TRAPPC9: variants seen among roughly 807,000 people sequenced by gnomAD.
TRAPPC9 encodes the protein IKK2 binding protein.
In TRAPPC9, 83 loss-of-function variants were observed where a neutral mutation model predicts 124.0. That is an observed-to-expected ratio of 0.67 (90% CI 0.56 to 0.80). The LOEUF (loss-of-function observed/expected upper bound fraction) is 0.80. Ranked by LOEUF, TRAPPC9 falls within the 30% of genes least tolerant of loss-of-function variation. TRAPPC9 has a pLI of 0.00. For missense variants in TRAPPC9, 1,302 were observed against 1,508.3 expected (o/e 0.86, Z 2.27); for synonymous variants, 638 against 617.5 (o/e 1.03, Z -0.49).
intron 8 of TRAPPC9, among the ~76,000 whole-genome samples, chr8:140,365,799 G>C (rs2068091151): frequency 6.6e-6 from 1 of 152,186 alleles, no homozygotes; most frequent in African/African-American, 2.4e-5. Context: ...TTAAGTTCAG[G>C]GCTACAAGTG....
chr8:140,011,855 T>C (rs578018995), intron 18 of TRAPPC9, among the ~76,000 whole-genome samples: 57 of 152,062 alleles, frequency 3.7e-4, no homozygotes, highest in African/African-American at 1.4e-3. Flanking sequence ...TTTTTGTATT[T>C]TTTGTAGAGA....
At chr8:139,750,864 C>T (rs1819266658) in intron 21 of TRAPPC9, among the ~76,000 whole-genome samples, 1 of 152,216 alleles carries the variant, frequency 6.6e-6, no homozygotes, top group Non-Finnish European at 1.5e-5. Context: ...GGAGCAGCAG[C>T]AGGTGACATC....
chr8:140,386,962 A>G (rs1357198355), intron 7 of TRAPPC9, among the ~76,000 whole-genome samples: 20 of 149,682 alleles, frequency 1.3e-4, no homozygotes, highest in South Asian at 4.2e-4. Flanking sequence ...CTGGTACCAA[A>G]ACAGAGATAT....
At chr8:139,925,281 T>C (rs775727733) in intron 19 of TRAPPC9, among the ~76,000 whole-genome samples, 2 of 152,176 alleles carry the variant, frequency 1.3e-5, no homozygotes, top group African/African-American at 2.4e-5. Flanking sequence ...AACAGAAATA[T>C]CGCCTTTCTG....
In TRAPPC9 at chr8:139,730,676, A is replaced by C; in HGVS notation, c.*385T>G. 8.1e-6 allele frequency: 2 copies of C among 246,002 alleles called. No individual in the cohort carries two copies. Among genetic ancestry groups the C allele is most frequent in the Non-Finnish European group, 1.6e-5 (2 of 125,604 alleles). 15.2% of individuals were successfully genotyped at this position (246,002 alleles called of 1,614,324 possible). On this transcript the variant is annotated 3_prime_UTR_variant, in exon 23 of 23. Transcript: ENST00000438773. Reference sequence around the variant, plus strand: ...TGCTCACCATTTCTTTCTATGGCCAAAGGGAAGTCGCTGGACGAGGGAGGT... The same window carrying C: ...TGCTCACCATTTCTTTCTATGGCCACAGGGAAGTCGCTGGACGAGGGAGGT...
chr8:140,171,653 G>A (rs1005205723), intron 17 of TRAPPC9, among the ~76,000 whole-genome samples: 12 of 152,150 alleles, frequency 7.9e-5, no homozygotes, highest in African/African-American at 1.9e-4. Context: ...TTCCACTCTC[G>A]AGCCCCCAGC....
chr8:140,162,245 C>A (rs938275112), intron 17 of TRAPPC9, among the ~76,000 whole-genome samples: 1 of 152,164 alleles, frequency 6.6e-6, no homozygotes, highest in Non-Finnish European at 1.5e-5. Context: ...CTTCCCTCCC[C>A]TCCTGCCACT....
chr8:140,450,980 CG>C lies in TRAPPC9; in HGVS notation c.393del (p.Asp131GlufsTer58). The C allele has an allele frequency of 6.2e-7, 1 of 1,614,144 alleles. No individual in the cohort carries two copies. Among genetic ancestry groups the C allele is most frequent in the Non-Finnish European group, 8.5e-7 (1 of 1,180,032 alleles). ...TCCTCGTAGTTGGGGTAGAAAGCCA[CG>C]TCGGTGCGCGGCTGCTCCACGATCT... Reference protein sequence around the residue: ...QGEIVEQPRTDVAFYPNYEDC... With the variant: ...QGEIVEQPRTXVAFYPNYEDC... On this transcript the variant is annotated frameshift_variant, in exon 2 of 23. Coordinates refer to ENST00000438773, the MANE Select transcript of TRAPPC9 (RefSeq NM_001160372.4). LOFTEE classifies it high-confidence loss of function.
At chr8:140,237,677 G>A (rs558500587) in intron 16 of TRAPPC9, among the ~76,000 whole-genome samples, 32 of 152,162 alleles carry the variant, frequency 2.1e-4, no homozygotes, top group African/African-American at 2.6e-4. Flanking sequence ...GGGGGACAGG[G>A]AGGCAGCAGC....
At chr8:140,022,116 G>A (rs1397611275) in intron 18 of TRAPPC9, among the ~76,000 whole-genome samples, 1 of 152,218 alleles carries the variant, frequency 6.6e-6, no homozygotes, top group Non-Finnish European at 1.5e-5. Flanking sequence ...ATGTGCCAGA[G>A]CAGTGGCACA....
At chr8:139,969,511 C>T (rs1835925012) in intron 19 of TRAPPC9, among the ~76,000 whole-genome samples, 1 of 152,228 alleles carries the variant, frequency 6.6e-6, no homozygotes, top group Admixed American at 6.5e-5. Context: ...CTAGCAGCGC[C>T]ACCTGGGGCA....
chr8:140,372,747 G>A (rs943476016), intron 7 of TRAPPC9, among the ~76,000 whole-genome samples: 2 of 152,154 alleles, frequency 1.3e-5, no homozygotes, highest in East Asian at 1.9e-4. Context: ...GAGAAAAGAC[G>A]GCGGTCTATG....
rs115410253 is a variant in TRAPPC9, at chr8:139,888,080, G to A, written c.2965-2111C>T. Among the ~76,000 whole-genome samples, 987 of 152,260 alleles carry A rather than the reference G, an allele frequency of 6.5e-3. 15 individuals are homozygous for A. The highest frequency in any genetic ancestry group is 0.023 in the African/African-American group (956 of 41,548). ...GTCTTCTTGCTCCTGGCTCCAGTCC[G>A]CACATGCTGCTTGCTTCATTCCACA... is the stretch of plus-strand genomic sequence containing the variant. On this transcript the variant is annotated intron_variant, in intron 20 of 22. Transcript: ENST00000438773.
chr8:140,046,223 C>G (rs1841587011), intron 17 of TRAPPC9, among the ~76,000 whole-genome samples: 1 of 152,262 alleles, frequency 6.6e-6, no homozygotes, highest in Admixed American at 6.5e-5. Flanking sequence ...AGAGCTCTTC[C>G]CAGGAAGTTG....
At chr8:139,866,359 A>T (rs1378284188) in intron 21 of TRAPPC9, among the ~76,000 whole-genome samples, 10 of 152,058 alleles carry the variant, frequency 6.6e-5, no homozygotes. Flanking sequence ...GGGGCCTTAG[A>T]ACTTTATTTT....
chr8:140,016,925 C>T (rs1042848058), intron 18 of TRAPPC9, among the ~76,000 whole-genome samples: 1 of 152,182 alleles, frequency 6.6e-6, no homozygotes, highest in African/African-American at 2.4e-5. Flanking sequence ...TATGTGAATT[C>T]TGGCTGTTTC....
At chr8:139,846,527 A>G (rs773284225) in intron 21 of TRAPPC9, among the ~76,000 whole-genome samples, 5 of 152,228 alleles carry the variant, frequency 3.3e-5, no homozygotes, top group Admixed American at 6.5e-5. Flanking sequence ...ATAAGAAGAA[A>G]AATGAAGATG....
intron 20 of TRAPPC9, among the ~76,000 whole-genome samples, chr8:139,899,132 A>G (rs1830857677): frequency 6.6e-6 from 1 of 151,444 alleles, no homozygotes; most frequent in African/African-American, 2.4e-5. Context: ...AAAAAAAAAA[A>G]AAAAAAAAAA....
chr8:140,007,162 T>A (rs1375064653), intron 18 of TRAPPC9, among the ~76,000 whole-genome samples: 1 of 152,138 alleles, frequency 6.6e-6, no homozygotes, highest in Non-Finnish European at 1.5e-5. Flanking sequence ...AACAAACAGT[T>A]GAAACTTTGT....
Sources: gnomAD v4.1 joint callset for allele counts (sites outside exome capture counted in the v4.1 genomes callset) on GRCh38, gnomAD v4.1.1 for gene constraint, MANE v1.5 for transcripts, NCBI Gene and HGNC (gene_info 2026-07-23, HGNC 2026-07-21) for gene names.